Variants in CDC42BPA observed in about 807,000 individuals in gnomAD.
CDC42BPA encodes the protein serine/threonine-protein kinase MRCK alpha.
In CDC42BPA, 80 loss-of-function variants were observed where a neutral mutation model predicts 223.5. The observed-to-expected ratio is 0.36, with a 90% CI of 0.30 to 0.43. CDC42BPA has a LOEUF of 0.43. CDC42BPA is among the 20% of genes least tolerant of loss of function. CDC42BPA has a pLI of 1.00. For synonymous variants in CDC42BPA, 694 were observed against 718.6 expected (o/e 0.97, Z 0.55); for missense variants, 1,743 against 2,099.9 (o/e 0.83, Z 3.32).
In CDC42BPA at chr1:227,294,838, C is replaced by T. The variant is rs1459986304; in HGVS notation, c.178+22167G>A. 3.2e-4 allele frequency among the ~76,000 whole-genome samples: 16 copies of T among 49,924 alleles called. 4 individuals carry two copies. The highest frequency in any genetic ancestry group is 1.2e-3 in the African/African-American group (13 of 11,244). 32.8% of individuals were successfully genotyped at this position (49,924 alleles called of 152,430 possible). ...TCGCGCCACTGCACTCCAGCCTGGG[C>T]GACAGAGCGAGACTCCGTCTCAAAA... On this transcript the variant is annotated intron_variant, in intron 1 of 36. Coordinates refer to ENST00000366766, the MANE Select transcript of CDC42BPA (RefSeq NM_001394014.1).
chr1:227,213,265 A>T, intron 2 of CDC42BPA, 46 bp from the exon 3 acceptor site: 1 of 1,016,632 alleles, frequency 9.8e-7, no homozygotes, highest in Middle Eastern at 2.1e-4. Context: ...ATGACAAATA[A>T]TTTTTTCAGC....
chr1:227,219,967 C>CA lies in CDC42BPA; in HGVS notation c.271-6749dup, dbSNP rs1287004573. Among the ~76,000 whole-genome samples, 28 of 150,920 alleles carry CA rather than the reference C, an allele frequency of 1.9e-4. No individual in the cohort carries two copies. The East Asian group carries it at 3.9e-3, about 21-fold the overall frequency. ...GTACACACATACAGCAAGAACACACCAAAAAAAAATTTAAAAAGACACCTC... is the reference window on the plus strand; with the variant it reads ...GTACACACATACAGCAAGAACACACCAAAAAAAAAATTTAAAAAGACACCTC... On this transcript the variant is annotated intron_variant, in intron 2 of 36. Transcript: ENST00000366766.
chr1:227,188,008 T>C (rs1558709946), intron 5 of CDC42BPA, among the ~76,000 whole-genome samples: 2 of 151,066 alleles, frequency 1.3e-5, no homozygotes, highest in Non-Finnish European at 3.0e-5. Flanking sequence ...TCAGGAAAAA[T>C]TGAAAAGTTC....
At chr1:227,176,213 A>C (rs746651829) in intron 5 of CDC42BPA, among the ~76,000 whole-genome samples, 2 of 152,122 alleles carry the variant, frequency 1.3e-5, no homozygotes, top group Admixed American at 6.5e-5. Context: ...TTGGCCTCTC[A>C]AAGTGCTAAT....
intron 9 of CDC42BPA, among the ~76,000 whole-genome samples, chr1:227,141,082 A>C (rs1480167670): frequency 2.0e-5 from 3 of 152,202 alleles, no homozygotes; most frequent in African/African-American, 7.2e-5. Flanking sequence ...AAATAAGATG[A>C]GACTAAGCAA....
At chr1:227,216,135 C>T (rs74140140) in intron 2 of CDC42BPA, among the ~76,000 whole-genome samples, 1,898 of 75,710 alleles carry the variant, frequency 0.025, 19 homozygotes, top group Non-Finnish European at 0.032. Flanking sequence ...TATATATATA[C>T]ACACACACAC....
chr1:227,265,220 T>C, intron 1 of CDC42BPA: 3 of 588,212 alleles, frequency 5.1e-6, no homozygotes, highest in Non-Finnish European at 9.3e-6. Flanking sequence ...CACTTTGGCA[T>C]CTAACAACCC....
chr1:227,045,554 T>C (rs1351174507), intron 23 of CDC42BPA, among the ~76,000 whole-genome samples: 2 of 152,176 alleles, frequency 1.3e-5, no homozygotes, highest in African/African-American at 2.4e-5. Flanking sequence ...ATTTCCTTCC[T>C]TTTCTTTTTT....
intron 16 of CDC42BPA, among the ~76,000 whole-genome samples, chr1:227,085,239 C>G (rs1310924472): frequency 5.3e-5 from 8 of 152,126 alleles, no homozygotes; most frequent in African/African-American, 1.9e-4. Flanking sequence ...CTGTGGAACC[C>G]TAACTAATAC....
chr1:227,099,301 C>T (rs1397949652), intron 15 of CDC42BPA, among the ~76,000 whole-genome samples: 3 of 151,260 alleles, frequency 2.0e-5, no homozygotes, highest in South Asian at 2.1e-4. Flanking sequence ...GAAGTATTCC[C>T]GAAGAAGGCA....
Position 227,031,366 on chromosome 1 carries a change from T to G in CDC42BPA, c.3707A>C (p.Tyr1236Ser). ...KKNKFRDRSV[Y>S]VPKEAYDSTL... Reference sequence around the variant, plus strand: ...GCTGTCATAAGCCTCTTTGGGAACATAGACTGAGCGGTCTCTGAATTTGTT... The same window carrying G: ...GCTGTCATAAGCCTCTTTGGGAACAGAGACTGAGCGGTCTCTGAATTTGTT... Residue 1236 changes from tyrosine (Y) to serine (S), a missense_variant, in exon 28 of 37, where the codon TAT becomes TCT. By Grantham distance (144) the Tyr-to-Ser change is moderately radical. This residue lies in a region of CDC42BPA where 678 missense variants were observed against 777.5 expected (regional missense o/e 0.87). Coordinates refer to ENST00000366766, the MANE Select transcript of CDC42BPA (RefSeq NM_001394014.1). The G allele has an allele frequency of 6.2e-7, 1 of 1,614,120 alleles. No individual in the cohort carries two copies.
At chr1:227,054,060 T>C (rs1404429285) in intron 21 of CDC42BPA, among the ~76,000 whole-genome samples, 4 of 152,198 alleles carry the variant, frequency 2.6e-5, no homozygotes, top group Non-Finnish European at 5.9e-5. Context: ...TTTTAAGGTA[T>C]CTAAGTAGGG....
chr1:227,109,704 T>C (rs1686588919), intron 14 of CDC42BPA, among the ~76,000 whole-genome samples: 2 of 146,898 alleles, frequency 1.4e-5, no homozygotes, highest in Non-Finnish European at 1.5e-5. Context: ...CTTTTTTCTA[T>C]TTGTAAAATT....
chr1:227,026,712 A>G (rs1668330985), intron 30 of CDC42BPA, among the ~76,000 whole-genome samples: 1 of 152,248 alleles, frequency 6.6e-6, no homozygotes, highest in Non-Finnish European at 1.5e-5. Context: ...GCTACACAAA[A>G]AAGTCAGACA....
intron 1 of CDC42BPA, among the ~76,000 whole-genome samples, chr1:227,285,254 C>G (rs1224743084): frequency 6.6e-6 from 1 of 152,222 alleles, no homozygotes; most frequent in Non-Finnish European, 1.5e-5. Context: ...ATTTTAAAAA[C>G]TCACATACAC....
At chr1:227,139,283 G>T (rs1659236433) in intron 10 of CDC42BPA, among the ~76,000 whole-genome samples, 1 of 152,096 alleles carries the variant, frequency 6.6e-6, no homozygotes, top group Non-Finnish European at 1.5e-5. Flanking sequence ...TCATTAAAGT[G>T]CTATAACGAA....
chr1:227,115,208 CAG>C (rs1419168349), intron 12 of CDC42BPA, among the ~76,000 whole-genome samples: 1 of 151,596 alleles, frequency 6.6e-6, no homozygotes. Flanking sequence ...TCATGACAAA[CAG>C]AAAAAAAGAT....
intron 15 of CDC42BPA, among the ~76,000 whole-genome samples, chr1:227,099,302 G>A (rs184951526): frequency 3.5e-4 from 53 of 151,238 alleles, no homozygotes; most frequent in African/African-American, 1.1e-3. Flanking sequence ...AAGTATTCCC[G>A]AAGAAGGCAC....
rs749104475 is a variant in CDC42BPA, at chr1:227,031,460, C to A, written c.3613G>T (p.Ala1205Ser). Residue 1205 changes from alanine to serine, a missense_variant, in exon 28 of 37, where the codon GCA becomes TCA. By Grantham distance (99) the Ala-to-Ser change is moderately conservative. Around this residue, in one of 6 missense-constraint regions of CDC42BPA, gnomAD observed 678 missense variants for 777.5 expected, o/e 0.87. Transcript: ENST00000366766. ...SNNKCSILML[A>S]DTENEKNKWV... is the part of the protein sequence containing the mutation. ...TTATTCTTCTCATTCTCAGTGTCTG[C>A]TAGCATCAGGATTGAACATTTGTTA... The A allele has an allele frequency of 1.2e-6, 2 of 1,614,058 alleles. No homozygotes were observed. The highest frequency in any genetic ancestry group is 1.7e-6 in the Non-Finnish European group (2 of 1,179,986).
Sources: allele counts gnomAD v4.1 joint callset (sites outside exome capture counted in the v4.1 genomes callset), GRCh38; gene constraint gnomAD v4.1.1; regional missense constraint gnomAD v4.1.1; transcripts MANE v1.5; gene names NCBI Gene and HGNC (gene_info 2026-07-23, HGNC 2026-07-21).